The following SLC4A4 variants were observed in gnomAD, a reference collection of about 807,000 sequenced individuals.
The protein encoded by SLC4A4 is electrogenic sodium bicarbonate cotransporter 1.
Under a neutral mutation model 111.5 loss-of-function variants are expected in SLC4A4, and 27 were observed. That is an observed-to-expected ratio of 0.24 (90% CI 0.18 to 0.33). The LOEUF (loss-of-function observed/expected upper bound fraction) is 0.33. Among genes scored for constraint, SLC4A4 ranks in the 10% least tolerant of loss-of-function variants. The pLI, the probability that SLC4A4 is intolerant of heterozygous loss-of-function variation, is 1.00. For missense variants in SLC4A4, 909 were observed against 1,315.5 expected, an observed-to-expected ratio of 0.69 and a Z score of 4.78; for synonymous variants, 443 against 463.4, an observed-to-expected ratio of 0.96 and a Z score of 0.57.
At chr4:71,528,508 G>A (rs1345351795) in intron 16 of SLC4A4, among the ~76,000 whole-genome samples, 13 of 151,978 alleles carry the variant, frequency 8.6e-5, no homozygotes, top group Admixed American at 3.3e-4. Context: ...TGAATAGAGC[G>A]AAAATTGGAA....
intron 3 of SLC4A4, among the ~76,000 whole-genome samples, chr4:71,278,175 C>T (rs914697514): frequency 1.3e-5 from 2 of 151,914 alleles, no homozygotes; most frequent in Non-Finnish European, 2.9e-5. Context: ...TTTAATTACA[C>T]ATAAAAGTGA....
In SLC4A4 at chr4:71,249,655, G is replaced by C. The variant is rs548242061; in HGVS notation, c.74-5565G>C. ...TGTAATCCTAGCACTTTGGGAGGCC[G>C]AAGTGAGTGGATCACTTGAGGTCAG... is the stretch of plus-strand genomic sequence containing the variant. On this transcript the variant is annotated intron_variant, in intron 2 of 25. Transcript: ENST00000264485. 9.9e-5 allele frequency among the ~76,000 whole-genome samples: 15 copies of C among 152,174 alleles called. No individual in the cohort carries two copies. The East Asian group carries it at 2.1e-3, about 22-fold the overall frequency.
chr4:71,550,828 T>C (rs1222824168), intron 20 of SLC4A4, among the ~76,000 whole-genome samples: 1 of 151,866 alleles, frequency 6.6e-6, no homozygotes, highest in Admixed American at 6.6e-5. Context: ...ACTTTGAAAA[T>C]GAAGTTTTTC....
chr4:71,088,908 T>G (rs561099565), intron 1 of SLC4A4, among the ~76,000 whole-genome samples: 1 of 152,154 alleles, frequency 6.6e-6, no homozygotes, highest in African/African-American at 2.4e-5. Context: ...TTGAGGAGTA[T>G]CTTTGTGGCA....
intron 1 of SLC4A4, among the ~76,000 whole-genome samples, chr4:71,078,160 A>T (rs2148933230): frequency 1.3e-5 from 2 of 152,154 alleles, no homozygotes; most frequent in East Asian, 3.9e-4. Flanking sequence ...AGGTTAACCA[A>T]CACATTGTGG....
rs563921530 is a variant in SLC4A4 at position 71,113,415 on chromosome 4, A to G, written c.-2+20623A>G. 1.8e-4 allele frequency among the ~76,000 whole-genome samples: 27 copies of G among 152,298 alleles called. 1 individual carries two copies. The highest frequency in any genetic ancestry group is 6.3e-4 in the African/African-American group (26 of 41,572). On this transcript the variant is annotated intron_variant, in intron 2 of 26. Coordinates refer to the SLC4A4 transcript ENST00000649996. ...CCTGTCACTTATGGTATAGCAGAAG[A>G]TGTGCTTGGCAATTTAATTGGATGG... is the stretch of plus-strand genomic sequence containing the variant.
intron 13 of SLC4A4, among the ~76,000 whole-genome samples, chr4:71,472,156 G>C (rs1270650863): frequency 6.6e-6 from 1 of 151,886 alleles, no homozygotes; most frequent in Non-Finnish European, 1.5e-5. Flanking sequence ...TGAACACCTT[G>C]AATTTTTTCT....
At chr4:71,079,346 T>C (rs1741929419) in intron 1 of SLC4A4, among the ~76,000 whole-genome samples, 1 of 152,178 alleles carries the variant, frequency 6.6e-6, no homozygotes, top group African/African-American at 2.4e-5. Context: ...AAGGCATCTG[T>C]AGCTGTAGAA....
In SLC4A4 at chr4:71,263,531, T is replaced by A. The variant is rs577236453; in HGVS notation, c.253+8132T>A. ...CCAGAAATTACCCATTAGGTTAAAA[T>A]AATCTGGTCTATCCAAGAAAATTTA... On this transcript the variant is annotated intron_variant, in intron 3 of 25. Coordinates refer to ENST00000264485, the MANE Select transcript of SLC4A4 (RefSeq NM_001098484.3). 3.3e-5 allele frequency among the ~76,000 whole-genome samples: 5 copies of A among 152,300 alleles called. No individual in the cohort carries two copies. The South Asian group carries it at 1.0e-3, about 32-fold the overall frequency.
intron 3 of SLC4A4, among the ~76,000 whole-genome samples, chr4:71,332,987 A>G (rs548979610): frequency 6.6e-6 from 1 of 152,316 alleles, no homozygotes; most frequent in East Asian, 1.9e-4. Context: ...CTGAAAGGTC[A>G]TATGTCTCTG....
chr4:71,141,777 T>C (rs1251287818), intron 2 of SLC4A4, among the ~76,000 whole-genome samples: 3 of 152,202 alleles, frequency 2.0e-5, no homozygotes, highest in Non-Finnish European at 2.9e-5. Flanking sequence ...AAATATTGGA[T>C]GGATGAATCA....
chr4:71,565,908 AGC>A (rs1226133533), intron 24 of SLC4A4, among the ~76,000 whole-genome samples: 2 of 151,814 alleles, frequency 1.3e-5, no homozygotes, highest in African/African-American at 4.8e-5. Flanking sequence ...CCTCCCTCAG[AGC>A]CAGTGATAAA....
chr4:71,299,057 C>A (rs1180019516), intron 3 of SLC4A4, among the ~76,000 whole-genome samples: 4 of 152,146 alleles, frequency 2.6e-5, no homozygotes, highest in Non-Finnish European at 5.9e-5. Flanking sequence ...ATAATGTGAG[C>A]CTCATTTGTA....
chr4:71,565,875 C>A (rs1403531955), intron 24 of SLC4A4, among the ~76,000 whole-genome samples: 34 of 151,752 alleles, frequency 2.2e-4, no homozygotes, highest in Non-Finnish European at 1.5e-5. Flanking sequence ...GTGGGTATCT[C>A]CGTAGGGCTC....
Position 71,420,926 on chromosome 4 carries a change from A to C in SLC4A4, c.808-19690A>C, listed in dbSNP as rs575143329. 4.7e-5 allele frequency among the ~76,000 whole-genome samples: 7 copies of C among 149,962 alleles called. No individual in the cohort carries two copies. The East Asian group carries it at 1.4e-3, about 29-fold the overall frequency. On this transcript the variant is annotated intron_variant, in intron 7 of 25. Transcript: ENST00000264485. ...TTGAGACTAGGAAGAAACTGCATCA[A>C]CTAACGAGCAAAATAACCAGCTAAC...
intron 1 of SLC4A4, among the ~76,000 whole-genome samples, chr4:71,209,522 T>C (rs1717999506): frequency 6.6e-6 from 1 of 152,246 alleles, no homozygotes; most frequent in South Asian, 2.1e-4. Flanking sequence ...AGATGTATCA[T>C]AAAATATGAG....
intron 12 of SLC4A4, among the ~76,000 whole-genome samples, 168 bp from the exon 13 acceptor site, chr4:71,466,276 T>C (rs1727302056): frequency 6.6e-6 from 1 of 152,136 alleles, no homozygotes; most frequent in South Asian, 2.1e-4. Flanking sequence ...AAATGTGAAA[T>C]AAGTGGTGGC....
intron 2 of SLC4A4, among the ~76,000 whole-genome samples, chr4:71,099,396 C>A (rs1742651594): frequency 6.6e-6 from 1 of 152,074 alleles, no homozygotes; most frequent in Non-Finnish European, 1.5e-5. Context: ...TTCTTTGAAA[C>A]TAATGAGAAC....
At chr4:71,247,263 T>A (rs1720742183) in intron 2 of SLC4A4, among the ~76,000 whole-genome samples, 1 of 148,182 alleles carries the variant, frequency 6.7e-6, no homozygotes, top group African/African-American at 2.4e-5. Context: ...AATATGTTCA[T>A]CTACTAATAC....
Sources: allele counts gnomAD v4.1 joint callset (sites outside exome capture counted in the v4.1 genomes callset), GRCh38; gene constraint gnomAD v4.1.1; transcripts MANE v1.5; gene names NCBI Gene and HGNC (gene_info 2026-07-23, HGNC 2026-07-21).